The following EYA1 variants were observed in gnomAD, a reference collection of about 807,000 sequenced individuals.
EYA1 encodes the protein protein phosphatase EYA1.
Under a neutral mutation model 82.0 loss-of-function variants are expected in EYA1, and 16 were observed. That is an observed-to-expected ratio of 0.20 (90% CI 0.13 to 0.30). The LOEUF (loss-of-function observed/expected upper bound fraction) is 0.30. Ranked by LOEUF, EYA1 falls within the 10% of genes least tolerant of loss-of-function variation. The pLI is 1.00. For missense variants in EYA1, 633 were observed against 730.7 expected (o/e 0.87, Z 1.54); for synonymous variants, 261 against 264.4 (o/e 0.99, Z 0.12).
intron 3 of EYA1, among the ~76,000 whole-genome samples, chr8:71,339,833 C>A (rs2129052289): frequency 6.6e-6 from 1 of 152,250 alleles, no homozygotes; most frequent in South Asian, 2.1e-4. Context: ...TATAACATAG[C>A]AATAGTTCTC....
At chr8:71,245,965 C>A (rs1230795929) in intron 11 of EYA1, among the ~76,000 whole-genome samples, 1 of 152,106 alleles carries the variant, frequency 6.6e-6, no homozygotes, top group Non-Finnish European at 1.5e-5. Flanking sequence ...TACAAGCCAC[C>A]CTGATGACAT....
intron 1 of EYA1, among the ~76,000 whole-genome samples, chr8:71,358,827 T>A (rs1390217526): frequency 6.6e-6 from 1 of 152,150 alleles, no homozygotes; most frequent in Non-Finnish European, 1.5e-5. Context: ...CATAATGTGT[T>A]TTGAAAATAA....
chr8:71,361,435 T>C (rs1446109275), intron 1 of EYA1, among the ~76,000 whole-genome samples: 1 of 152,236 alleles, frequency 6.6e-6, no homozygotes, highest in East Asian at 1.9e-4. Context: ...TGATCGCTCA[T>C]AATTTGGAGG....
Position 71,388,077 on chromosome 8 carries a change from C to T in EYA1, c.34-31566G>A, listed in dbSNP as rs893713146. Among the ~76,000 whole-genome samples, 12 of 152,174 alleles carry T rather than the reference C, an allele frequency of 7.9e-5. 1 individual carries two copies. On this transcript the variant is annotated intron_variant, in intron 2 of 18. Coordinates refer to the EYA1 transcript ENST00000643681. ...TTAATTATCATTATATTCTACCCATCTTCTAGTCAAGAAAACTGAGCTACC... is the reference window on the plus strand; with the variant it reads ...TTAATTATCATTATATTCTACCCATTTTCTAGTCAAGAAAACTGAGCTACC...
At chr8:71,392,764 A>G (rs1264313579) in intron 2 of EYA1, among the ~76,000 whole-genome samples, 2 of 152,174 alleles carry the variant, frequency 1.3e-5, no homozygotes, top group Non-Finnish European at 2.9e-5. Flanking sequence ...ATTGCCACAG[A>G]CTTACCAAAA....
At chr8:71,522,746 A>T (rs1029568600) in intron 2 of EYA1, among the ~76,000 whole-genome samples, 3 of 151,308 alleles carry the variant, frequency 2.0e-5, no homozygotes, top group African/African-American at 7.3e-5. Context: ...ACTAGTTGAG[A>T]CCCCAGGCCC....
intron 11 of EYA1, among the ~76,000 whole-genome samples, chr8:71,250,278 C>T (rs1813591755): frequency 6.6e-6 from 1 of 152,180 alleles, no homozygotes; most frequent in Non-Finnish European, 1.5e-5. Context: ...TTCCTCAAAA[C>T]ACAACTAGGC....
rs1007684729 is a variant in EYA1, at chr8:71,317,617, A to G, written c.491T>C (p.Leu164Pro). ...QSQSPGQTGF[L>P]SYGTSFSTPQ... ...GGTACTGAAGCTTGTGCCATAGCTG[A>G]GAAATCCTGTCTGTCCAGGTGACTG... The change falls in exon 7 of 18, where the codon CTC becomes CCC. Residue 164 changes from leucine to proline, a missense_variant. By Grantham distance (98) the Leu-to-Pro change is moderately conservative (BLOSUM62 -3). Coordinates refer to ENST00000340726, the MANE Select transcript of EYA1 (RefSeq NM_000503.6). 19 of 1,614,064 alleles carry G rather than the reference A, an allele frequency of 1.2e-5. No individual in the cohort carries two copies. The highest frequency in any genetic ancestry group is 1.6e-4 in the Middle Eastern group (1 of 6,084).
chr8:71,338,168 G>T (rs548909258), intron 3 of EYA1, among the ~76,000 whole-genome samples: 16 of 152,310 alleles, frequency 1.1e-4, no homozygotes, highest in South Asian at 2.1e-4. Context: ...AGAAGAATCC[G>T]AAGTAAAGGG....
chr8:71,341,986 C>T (rs1286960848), intron 3 of EYA1, among the ~76,000 whole-genome samples: 6 of 152,148 alleles, frequency 3.9e-5, no homozygotes, highest in Non-Finnish European at 7.4e-5. Context: ...TGGTAAATCA[C>T]GACTGCTCCT....
chr8:71,254,954 G>A (rs1814228583), intron 11 of EYA1, among the ~76,000 whole-genome samples: 1 of 148,534 alleles, frequency 6.7e-6, no homozygotes, highest in Non-Finnish European at 1.5e-5. Flanking sequence ...CACTAACAAC[G>A]ACTAAGCCAG....
chr8:71,295,382 G>T (rs754163479), intron 9 of EYA1, among the ~76,000 whole-genome samples: 1 of 152,128 alleles, frequency 6.6e-6, no homozygotes, highest in Non-Finnish European at 1.5e-5. Flanking sequence ...CCAACAATAA[G>T]AAAACAAACA....
intron 2 of EYA1, among the ~76,000 whole-genome samples, chr8:71,405,432 G>A (rs1830167139): frequency 6.6e-6 from 1 of 152,194 alleles, no homozygotes; most frequent in African/African-American, 2.4e-5. Context: ...GCCACCTGCT[G>A]TTTCTGGGTT....
intron 3 of EYA1, 78 bp from the exon 4 acceptor site, chr8:71,334,252 A>G (rs559981576): frequency 8.3e-6 from 9 of 1,089,956 alleles, no homozygotes; most frequent in East Asian, 2.4e-5. Flanking sequence ...TATAACATTC[A>G]GAGTAATGAC....
intron 7 of EYA1, among the ~76,000 whole-genome samples, chr8:71,313,811 T>C (rs1821614840): frequency 1.3e-5 from 2 of 152,208 alleles, no homozygotes; most frequent in South Asian, 4.1e-4. Flanking sequence ...ACCAAAGAGC[T>C]GATCATCATA....
At chr8:71,481,109 A>G (rs1179188097) in intron 2 of EYA1, among the ~76,000 whole-genome samples, 1 of 152,192 alleles carries the variant, frequency 6.6e-6, no homozygotes, top group Non-Finnish European at 1.5e-5. Flanking sequence ...GTTAACGAAT[A>G]TAGAAAATTA....
chr8:71,429,219 A>T (rs1372656401), intron 2 of EYA1, among the ~76,000 whole-genome samples: 3 of 152,310 alleles, frequency 2.0e-5, no homozygotes, highest in East Asian at 3.9e-4. Flanking sequence ...TACTTACTTC[A>T]TTGAAGGAGT....
chr8:71,356,605 C>A, intron 1 of EYA1, 94 bp from the exon 2 acceptor site: 1 of 1,449,524 alleles, frequency 6.9e-7, no homozygotes, highest in Non-Finnish European at 9.1e-7. Context: ...AACGACAATG[C>A]TCTCTTTTAA....
chr8:71,452,763 A>C (rs1193424879), intron 2 of EYA1, among the ~76,000 whole-genome samples: 2 of 152,220 alleles, frequency 1.3e-5, no homozygotes, highest in East Asian at 3.9e-4. Context: ...CCAAAACCCA[A>C]TTTGCACGTC....
Sources: gnomAD v4.1 joint callset for allele counts (sites outside exome capture counted in the v4.1 genomes callset) on GRCh38, gnomAD v4.1.1 for gene constraint, MANE v1.5 for transcripts, NCBI Gene and HGNC (gene_info 2026-07-23, HGNC 2026-07-21) for gene names.